Variants in SORBS2 observed in about 807,000 individuals in gnomAD.
The protein encoded by SORBS2 is sorbin and SH3 domain containing 2, also known as sorbin and SH3 domain-containing protein 2.
In SORBS2, 46 loss-of-function variants were observed where a neutral mutation model predicts 97.7. That is an observed-to-expected ratio of 0.47 (90% CI 0.37 to 0.60). The LOEUF is 0.60. Among genes scored for constraint, SORBS2 ranks in the 20% least tolerant of loss-of-function variants. SORBS2 has a pLI of 0.00. For synonymous variants in SORBS2, 476 were observed against 473.4 expected, an observed-to-expected ratio of 1.01 and a Z score of -0.07; for missense variants, 1,316 against 1,282.3, an observed-to-expected ratio of 1.03 and a Z score of -0.40.
At chr4:185,852,206 CCTATTTTTTACATT>C (rs2099218272) in intron 1 of SORBS2, among the ~76,000 whole-genome samples, 3 of 152,118 alleles carry the variant, frequency 2.0e-5, no homozygotes, top group Admixed American at 1.3e-4. Context: ...AAATTCGGCT[CCTATTTTTTACATT>C]CTAACACACC....
At chr4:185,883,631 A>C (rs1015845708) in intron 1 of SORBS2, among the ~76,000 whole-genome samples, 3 of 152,250 alleles carry the variant, frequency 2.0e-5, no homozygotes, top group African/African-American at 7.2e-5. Context: ...TGGTGAATAC[A>C]CAAACAAAAT....
intron 1 of SORBS2, among the ~76,000 whole-genome samples, chr4:185,892,288 A>C (rs1026826661): frequency 6.6e-6 from 1 of 152,210 alleles, no homozygotes; most frequent in African/African-American, 2.4e-5. Flanking sequence ...GGGAGTTGTT[A>C]ATGTTCTAGA....
At chr4:185,763,974 G>C (rs1458875632) in intron 2 of SORBS2, among the ~76,000 whole-genome samples, 4 of 152,166 alleles carry the variant, frequency 2.6e-5, no homozygotes, top group African/African-American at 9.7e-5. Context: ...AAAGTCACTA[G>C]CTTTTTCCAA....
intron 1 of SORBS2, among the ~76,000 whole-genome samples, chr4:185,841,981 C>G (rs2099211835): frequency 6.6e-6 from 1 of 152,216 alleles, no homozygotes; most frequent in South Asian, 2.1e-4. Context: ...TACTGAACAT[C>G]TACTCCGTGC....
At chr4:185,835,703 AAGTATTAGGAAACCTTT>A (rs1337461740) in intron 1 of SORBS2, among the ~76,000 whole-genome samples, 1 of 143,564 alleles carries the variant, frequency 7.0e-6, no homozygotes, top group Admixed American at 7.1e-5. Flanking sequence ...ATTGGGGACT[AAGTATTAGGAAACCTTT>A]AGCCAGTTTA....
chr4:185,751,178 A>AG, intron 2 of SORBS2, among the ~76,000 whole-genome samples: 1 of 137,220 alleles, frequency 7.3e-6, no homozygotes, highest in Non-Finnish European at 1.6e-5. Flanking sequence ...ATACTAAAAA[A>AG]AAAAAAAAAA....
chr4:185,923,310 G>T (rs772637685), intron 1 of SORBS2, among the ~76,000 whole-genome samples: 37 of 151,964 alleles, frequency 2.4e-4, no homozygotes, highest in Non-Finnish European at 4.7e-4. Context: ...TACTTAAAAA[G>T]AATTATTTTA....
At chr4:185,920,958 G>C (rs1302865082) in intron 1 of SORBS2, among the ~76,000 whole-genome samples, 2 of 152,186 alleles carry the variant, frequency 1.3e-5, no homozygotes, top group South Asian at 2.1e-4. Context: ...ATGAGGGTTT[G>C]AGTAGCGAAT....
intron 3 of SORBS2, among the ~76,000 whole-genome samples, chr4:185,648,712 G>C (rs1005230382): frequency 6.6e-6 from 1 of 152,112 alleles, no homozygotes; most frequent in Non-Finnish European, 1.5e-5. Flanking sequence ...ACCCTGGCTT[G>C]GACATAACGA....
intron 1 of SORBS2, among the ~76,000 whole-genome samples, chr4:185,877,294 T>C (rs1364304361): frequency 6.6e-6 from 1 of 151,086 alleles, no homozygotes; most frequent in Non-Finnish European, 1.5e-5. Context: ...ACATTAAAGG[T>C]TGTTTTTTTT....
chr4:185,889,883 ATTTTTTTTC>A (rs2099241597), intron 1 of SORBS2, among the ~76,000 whole-genome samples: 1 of 151,670 alleles, frequency 6.6e-6, no homozygotes, highest in Admixed American at 6.6e-5. Flanking sequence ...TGCCAGAATA[ATTTTTTTTC>A]TTTTTTTTCT....
chr4:185,768,195 T>G (rs188872489), intron 2 of SORBS2, among the ~76,000 whole-genome samples: 116 of 152,320 alleles, frequency 7.6e-4, no homozygotes, highest in Middle Eastern at 3.4e-3. Context: ...TTCATCTGCC[T>G]GTGGCACGGC....
chr4:185,651,629 G>T (rs376732999), intron 2 of SORBS2, among the ~76,000 whole-genome samples, 155 bp downstream of exon 11: 38 of 152,228 alleles, frequency 2.5e-4, no homozygotes, highest in African/African-American at 9.1e-4. Flanking sequence ...CAATCCTTTT[G>T]TTATGCACGC....
chr4:185,905,019 G>C (rs768916839), intron 1 of SORBS2, among the ~76,000 whole-genome samples: 1 of 152,122 alleles, frequency 6.6e-6, no homozygotes, highest in African/African-American at 2.4e-5. Flanking sequence ...CAGGACAATC[G>C]CTTGAACCTG....
chr4:185,849,883 A>G (rs886704269), intron 1 of SORBS2, among the ~76,000 whole-genome samples: 1 of 152,248 alleles, frequency 6.6e-6, no homozygotes, highest in Non-Finnish European at 1.5e-5. Flanking sequence ...CTAGGCTGCC[A>G]GAAAACAGAA....
chr4:185,831,663 C>T (rs1054206990), intron 1 of SORBS2, among the ~76,000 whole-genome samples: 15 of 152,148 alleles, frequency 9.9e-5, no homozygotes, highest in African/African-American at 3.1e-4. Context: ...GGTATGTGGA[C>T]GGGTGTTGGC....
intron 1 of SORBS2, among the ~76,000 whole-genome samples, chr4:185,799,100 G>A (rs1426486112): frequency 6.6e-6 from 1 of 152,124 alleles, no homozygotes; most frequent in African/African-American, 2.4e-5. Flanking sequence ...TTGGATATAG[G>A]GAAGGAGACT....
intron 12 of SORBS2, among the ~76,000 whole-genome samples, chr4:185,609,588 C>G (rs1189360785): frequency 6.6e-6 from 1 of 152,126 alleles, no homozygotes. Context: ...AATACAAAAC[C>G]CATACAATTA....
chr4:185,868,173 T>TTTTTTTTTTTTTTTTTTTG, intron 1 of SORBS2, among the ~76,000 whole-genome samples: 1 of 142,422 alleles, frequency 7.0e-6, no homozygotes, highest in African/African-American at 2.6e-5. Context: ...TTTTTTTTTT[T>TTTTTTTTTTTTTTTTTTTG]TGAGGCAGAG....
Sources: gnomAD v4.1 joint callset for allele counts (sites outside exome capture counted in the v4.1 genomes callset) on GRCh38, gnomAD v4.1.1 for gene constraint, MANE v1.5 for transcripts, NCBI Gene and HGNC (gene_info 2026-07-23, HGNC 2026-07-21) for gene names.